AIDA: variants seen among roughly 807,000 people sequenced by gnomAD.
AIDA encodes axin interactor, dorsalization associated, also known as axin interactor, dorsalization-associated protein.
In AIDA, 18 loss-of-function variants were observed where a neutral mutation model predicts 42.7. The observed-to-expected ratio is 0.42, with a 90% CI of 0.29 to 0.63. The LOEUF (loss-of-function observed/expected upper bound fraction) is 0.63. Among genes scored for constraint, AIDA ranks in the 20% least tolerant of loss-of-function variants. The pLI is 0.19. For missense variants in AIDA, 250 were observed against 354.1 expected (o/e 0.71, Z 2.36); for synonymous variants, 104 against 122.9 (o/e 0.85, Z 1.02).
intron 2 of AIDA, among the ~76,000 whole-genome samples, chr1:222,697,691 G>T (rs1481113918): frequency 1.3e-5 from 2 of 152,110 alleles, no homozygotes; most frequent in Non-Finnish European, 2.9e-5. Flanking sequence ...CGATTAAAGA[G>T]CTAAGTTAAT....
At chr1:222,691,145 G>T (rs1655358585) in intron 4 of AIDA, among the ~76,000 whole-genome samples, 1 of 152,182 alleles carries the variant, frequency 6.6e-6, no homozygotes, top group African/African-American at 2.4e-5. Flanking sequence ...TTTGAGCCAT[G>T]ACCTAGGATG....
At chr1:222,693,163 T>C (rs1655417547) in intron 4 of AIDA, among the ~76,000 whole-genome samples, 1 of 152,198 alleles carries the variant, frequency 6.6e-6, no homozygotes, top group South Asian at 2.1e-4. Flanking sequence ...AAATAGACTC[T>C]ATATACATAA....
At chr1:222,679,705 AACC>A in intron 6 of AIDA, among the ~76,000 whole-genome samples, 1 of 152,336 alleles carries the variant, frequency 6.6e-6, no homozygotes, top group East Asian at 1.9e-4. Flanking sequence ...CCATGCTTGT[AACC>A]ACCACACCTC....
In AIDA at chr1:222,712,472, G is replaced by A; in HGVS notation, c.-155C>T. Reference sequence around the variant, plus strand: ...GCCGAGGAGCCGCCCAAGCCCATTTGCCGCCACAGCCAAACTTTGCGGCTC... The same window carrying A: ...GCCGAGGAGCCGCCCAAGCCCATTTACCGCCACAGCCAAACTTTGCGGCTC... On this transcript the variant is annotated 5_prime_UTR_variant, in exon 1 of 10. Transcript: ENST00000340020. The A allele has an allele frequency of 7.1e-7, 1 of 1,417,670 alleles. No homozygotes were observed. The highest frequency in any genetic ancestry group is 9.2e-7 in the Non-Finnish European group (1 of 1,089,036). 87.8% of individuals were successfully genotyped at this position (1,417,670 alleles called of 1,614,324 possible).
intron 2 of AIDA, among the ~76,000 whole-genome samples, chr1:222,699,873 GCC>G (rs1191996486): frequency 6.6e-6 from 1 of 151,676 alleles, no homozygotes; most frequent in East Asian, 1.9e-4. Context: ...CCGGGTTCAT[GCC>G]ATTCTCCTGC....
chr1:222,703,765 A>C (rs1025295590), intron 1 of AIDA, among the ~76,000 whole-genome samples: 10 of 152,196 alleles, frequency 6.6e-5, no homozygotes, highest in African/African-American at 2.4e-4. Context: ...AACAGAAATC[A>C]TTGTCCAATT....
chr1:222,692,974 A>G (rs1655408716), intron 4 of AIDA, among the ~76,000 whole-genome samples: 1 of 152,222 alleles, frequency 6.6e-6, no homozygotes, highest in Non-Finnish European at 1.5e-5. Context: ...ACTGCAAGTT[A>G]TAGTCATTAA....
Position 222,683,984 on chromosome 1 carries a change from A to C in AIDA, c.460+2946T>G, listed in dbSNP as rs77351792. Among the ~76,000 whole-genome samples the C allele has an allele frequency of 7.0e-3, 1,067 of 152,312 alleles. 3 individuals are homozygous for C. Among genetic ancestry groups the C allele is most frequent in the Middle Eastern group, 0.031 (9 of 294 alleles). Reference sequence around the variant, plus strand: ...AATTTTAAATTTTAAATCAGAAAAAAACTATTCTTGGTCATTCCGTATCTA... The same window carrying C: ...AATTTTAAATTTTAAATCAGAAAAACACTATTCTTGGTCATTCCGTATCTA... On this transcript the variant is annotated intron_variant, in intron 6 of 9. Coordinates refer to ENST00000340020, the MANE Select transcript of AIDA (RefSeq NM_022831.4).
chr1:222,688,744 C>T (rs1259263944), intron 4 of AIDA, among the ~76,000 whole-genome samples: 1 of 152,120 alleles, frequency 6.6e-6, no homozygotes, highest in Non-Finnish European at 1.5e-5. Flanking sequence ...GGATTACAGG[C>T]ATGAGCCAAC....
chr1:222,697,633 T>C (rs552718215), intron 2 of AIDA, among the ~76,000 whole-genome samples: 11 of 152,056 alleles, frequency 7.2e-5, no homozygotes, highest in Admixed American at 2.6e-4. Flanking sequence ...GCTAGGAAAA[T>C]TGACAGCTCA....
chr1:222,690,469 C>T (rs1345708882), intron 4 of AIDA, among the ~76,000 whole-genome samples: 1 of 152,108 alleles, frequency 6.6e-6, no homozygotes, highest in Admixed American at 6.6e-5. Context: ...AAAGTGAATT[C>T]ATGGCATAAA....
chr1:222,686,835 T>C (rs914460820), intron 6 of AIDA, 95 bp downstream of exon 6: 11 of 1,434,124 alleles, frequency 7.7e-6, no homozygotes, highest in African/African-American at 5.8e-5. Flanking sequence ...TTTAGAGTGG[T>C]TGTACTGCCC....
intron 2 of AIDA, among the ~76,000 whole-genome samples, chr1:222,694,907 G>A (rs1655472933): frequency 6.6e-6 from 1 of 152,172 alleles, no homozygotes; most frequent in Non-Finnish European, 1.5e-5. Flanking sequence ...CTTTAGCAAG[G>A]TATGCCACTA....
chr1:222,689,504 T>TACACACAC (rs1558211675), intron 4 of AIDA, among the ~76,000 whole-genome samples: 1 of 72,020 alleles, frequency 1.4e-5, no homozygotes, highest in Non-Finnish European at 3.0e-5. Flanking sequence ...TATATATATA[T>TACACACAC]ATATATATAT....
intron 6 of AIDA, 145 bp from the exon 7 acceptor site, chr1:222,676,363 G>T: frequency 1.1e-6 from 1 of 882,958 alleles, no homozygotes; most frequent in Non-Finnish European, 1.6e-6. Context: ...CAAACGCTTG[G>T]CATTATTTTT....
chr1:222,678,457 A>G (rs1344622153), intron 6 of AIDA, among the ~76,000 whole-genome samples: 2 of 152,176 alleles, frequency 1.3e-5, no homozygotes, highest in South Asian at 2.1e-4. Context: ...AATCAGTTTC[A>G]TAACCTGTAA....
chr1:222,710,296 A>C (rs1203250590), intron 1 of AIDA, among the ~76,000 whole-genome samples: 2 of 152,212 alleles, frequency 1.3e-5, no homozygotes. Context: ...AGTTTTTATA[A>C]TTTGAGGACT....
chr1:222,695,221 G>C (rs1210544094), intron 2 of AIDA, among the ~76,000 whole-genome samples: 1 of 152,194 alleles, frequency 6.6e-6, no homozygotes, highest in South Asian at 2.1e-4. Flanking sequence ...GCCGGGCGTG[G>C]TAGCTCACGC....
At chr1:222,697,060 A>G (rs543593979) in intron 2 of AIDA, among the ~76,000 whole-genome samples, 34 of 152,118 alleles carry the variant, frequency 2.2e-4, no homozygotes, top group Middle Eastern at 3.4e-3. Flanking sequence ...CTCCTGCCTC[A>G]GCCTCTCGAG....
Sources: gnomAD v4.1 joint callset for allele counts (sites outside exome capture counted in the v4.1 genomes callset) on GRCh38, gnomAD v4.1.1 for gene constraint, MANE v1.5 for transcripts, NCBI Gene and HGNC (gene_info 2026-07-23, HGNC 2026-07-21) for gene names.